The following SIAE variants were observed in gnomAD, a reference collection of about 807,000 sequenced individuals.
SIAE encodes sialic acid acetylesterase, also known as sialate O-acetylesterase.
SIAE carries 39 observed loss-of-function variants against 52.6 expected under a neutral mutation model. The ratio of observed to expected loss-of-function variants is 0.74; its 90% CI spans 0.57 to 0.97. The LOEUF (loss-of-function observed/expected upper bound fraction) is 0.97. Ranked by LOEUF, SIAE falls within the 50% of genes least tolerant of loss-of-function variation. The pLI is 0.00. For synonymous variants in SIAE, 233 were observed against 241.4 expected (o/e 0.97, Z 0.32); for missense variants, 592 against 662.1 (o/e 0.89, Z 1.16).
intron 2 of SIAE, among the ~76,000 whole-genome samples, chr11:124,662,269 C>T (rs373140170): frequency 2.6e-5 from 4 of 152,174 alleles, no homozygotes; most frequent in African/African-American, 4.8e-5. Context: ...CAGATTGTGT[C>T]GCACAGGTGT....
intron 2 of SIAE, 102 bp downstream of exon 2, chr11:124,669,258 G>T (rs2134393292): frequency 7.1e-7 from 1 of 1,406,774 alleles, no homozygotes; most frequent in East Asian, 2.3e-5. Context: ...ACGGATGTAG[G>T]GACGGATGGA....
chr11:124,663,115 G>A (rs1337598597), intron 2 of SIAE, among the ~76,000 whole-genome samples: 2 of 151,910 alleles, frequency 1.3e-5, no homozygotes, highest in East Asian at 1.9e-4. Flanking sequence ...TTGCATTCCA[G>A]CCTGGGCAAC....
rs182083931 is a variant in SIAE at position 124,664,043 on chromosome 11, C to G, written c.230-3240G>C. 8.5e-5 allele frequency among the ~76,000 whole-genome samples: 13 copies of G among 152,286 alleles called. No individual in the cohort carries two copies. In the East Asian group the frequency reaches 2.3e-3, roughly 27 times the overall value. ...AAATCTCTGCTTCCTCGCATTTTTT[C>G]TCGTACCACCTAGGAAGATTAATTT... On this transcript the variant is annotated intron_variant, in intron 2 of 9. Coordinates refer to ENST00000263593, the MANE Select transcript of SIAE (RefSeq NM_170601.5).
At chr11:124,660,484 A>G in intron 3 of SIAE, 144 bp downstream of exon 3, 1 of 789,372 alleles carries the variant, frequency 1.3e-6, no homozygotes, top group Non-Finnish European at 2.2e-6. Context: ...TAATGAATTC[A>G]TTCAAAGCAT....
At chr11:124,649,120 A>G (rs768949413) in intron 5 of SIAE, among the ~76,000 whole-genome samples, 26 of 152,146 alleles carry the variant, frequency 1.7e-4, no homozygotes, top group Non-Finnish European at 2.6e-4. Context: ...TGTTTATAAC[A>G]TTTGTTCTTC....
chr11:124,643,804 C>A (rs1942886575), intron 7 of SIAE, among the ~76,000 whole-genome samples: 1 of 152,178 alleles, frequency 6.6e-6, no homozygotes, highest in Admixed American at 6.5e-5. Flanking sequence ...AAACCATGAT[C>A]TAACTGTAAG....
chr11:124,652,808 G>T, intron 4 of SIAE, among the ~76,000 whole-genome samples: 1 of 151,920 alleles, frequency 6.6e-6, no homozygotes, highest in African/African-American at 2.4e-5. Context: ...CCTCTTTCAG[G>T]CTGCTACTGA....
chr11:124,667,152 A>G (rs892829945), intron 2 of SIAE, among the ~76,000 whole-genome samples: 2 of 152,176 alleles, frequency 1.3e-5, no homozygotes, highest in African/African-American at 4.8e-5. Context: ...TTTTTAAACC[A>G]CAGCAGTTCT....
chr11:124,673,821 G>GCGACCT, upstream of SIAE: 1 of 1,247,778 alleles, frequency 8.0e-7, no homozygotes. Flanking sequence ...GCAGCCTCCC[G>GCGACCT]CGACCTCAGG....
chr11:124,662,601 A>G (rs994229439), intron 2 of SIAE, among the ~76,000 whole-genome samples: 3 of 152,194 alleles, frequency 2.0e-5, no homozygotes, highest in Non-Finnish European at 4.4e-5. Context: ...GCTACCCAGT[A>G]ATTAAAAGAT....
upstream of SIAE, chr11:124,673,759 A>AG: frequency 6.3e-7 from 1 of 1,595,812 alleles, no homozygotes; most frequent in African/African-American, 1.4e-5. Flanking sequence ...GGTTCCCGGC[A>AG]GGGGCGGGGC....
Position 124,644,808 on chromosome 11 carries a change from G to C in SIAE, c.966+2557C>G, listed in dbSNP as rs1942908016. Among the ~76,000 whole-genome samples, 3 of 152,086 alleles carry C rather than the reference G, an allele frequency of 2.0e-5. No individual in the cohort carries two copies. In the South Asian group the frequency reaches 6.2e-4, roughly 32 times the overall value. On this transcript the variant is annotated intron_variant, in intron 7 of 9. Coordinates refer to ENST00000263593, the MANE Select transcript of SIAE (RefSeq NM_170601.5). ...GTGGCCTTTCTGCTAATAAGTCTGG[G>C]ATACACGTGTCCAGCCCTGGTCTCT...
At chr11:124,647,805 C>G (rs1942961959) in intron 6 of SIAE, among the ~76,000 whole-genome samples, 1 of 152,138 alleles carries the variant, frequency 6.6e-6, no homozygotes. Flanking sequence ...GCAACAGCCC[C>G]CAGACAATAC....
chr11:124,676,085 A>G (rs1159352931), upstream of SIAE: 1 of 152,200 alleles, frequency 6.6e-6, no homozygotes, highest in Non-Finnish European at 1.5e-5. Context: ...ACTCCTATAA[A>G]TAAAATTTAC....
chr11:124,656,178 A>T (rs934202018), intron 3 of SIAE, among the ~76,000 whole-genome samples: 5 of 152,172 alleles, frequency 3.3e-5, no homozygotes, highest in Non-Finnish European at 4.4e-5. Context: ...TTCCAATCTC[A>T]AGCAACTTCA....
At chr11:124,655,193 G>A (rs1263675293) in intron 3 of SIAE, among the ~76,000 whole-genome samples, 6 of 105,768 alleles carry the variant, frequency 5.7e-5, no homozygotes, top group Admixed American at 4.4e-4. Context: ...TTTTTTTTGT[G>A]TGTGAGACAG....
intron 1 of SIAE, 46 bp downstream of exon 1, chr11:124,673,596 C>A (rs1943407988): frequency 1.3e-6 from 2 of 1,599,662 alleles, no homozygotes; most frequent in Non-Finnish European, 1.7e-6. Flanking sequence ...TCTCGGAGCC[C>A]GCACAGGCTG....
At chr11:124,658,083 C>G (rs1009093298) in intron 3 of SIAE, among the ~76,000 whole-genome samples, 1 of 152,120 alleles carries the variant, frequency 6.6e-6, no homozygotes, top group East Asian at 1.9e-4. Flanking sequence ...GGGACTGGAC[C>G]GTTCACCATC....
rs148403116 is a variant in SIAE, at chr11:124,638,703, G to A, written c.1159C>T (p.Arg387Trp). ...AGAGCACGGGCCCCCAAATGCAGCCGATAAGCCACAGTCTGTTTATCTCGA... is the reference window on the plus strand; with the variant it reads ...AGAGCACGGGCCCCCAAATGCAGCCAATAAGCCACAGTCTGTTTATCTCGA... ...HPRDKQTVAY[R>W]LHLGARALAY... The change falls in exon 9 of 10, where the codon CGG becomes TGG. Residue 387 changes from arginine to tryptophan, a missense_variant. By Grantham distance (101) the Arg-to-Trp change is moderately radical. Transcript: ENST00000263593. 3.8e-5 allele frequency: 62 copies of A among 1,613,994 alleles called. No homozygotes were observed. The highest frequency in any genetic ancestry group is 4.8e-5 in the Non-Finnish European group (57 of 1,180,022).
Sources: gnomAD v4.1 joint callset for allele counts (sites outside exome capture counted in the v4.1 genomes callset) on GRCh38, gnomAD v4.1.1 for gene constraint, MANE v1.5 for transcripts, NCBI Gene and HGNC (gene_info 2026-07-23, HGNC 2026-07-21) for gene names.